Variants in ANKFN1 observed in about 807,000 individuals in gnomAD.
ANKFN1 encodes the protein ankyrin repeat and fibronectin type-III domain-containing protein 1.
ANKFN1 carries 74 observed loss-of-function variants against 108.7 expected under a neutral mutation model. The observed-to-expected ratio is 0.68, with a 90% confidence interval of 0.56 to 0.83. The LOEUF is 0.83. Ranked by LOEUF, ANKFN1 falls within the 40% of genes least tolerant of loss-of-function variation. The probability of loss-of-function intolerance (pLI) is 0.00; values close to 1 mark genes in which losing one functional copy is unlikely to be tolerated. For synonymous variants in ANKFN1, 547 were observed against 516.2 expected (o/e 1.06, Z -0.81); for missense variants, 1,505 against 1,382.3 (o/e 1.09, Z -1.41).
chr17:56,138,603 G>A (rs1907732716), intron 4 of ANKFN1, among the ~76,000 whole-genome samples: 2 of 149,830 alleles, frequency 1.3e-5, no homozygotes. Flanking sequence ...TCTGCCTCCT[G>A]CATTCAAGCG....
intron 3 of ANKFN1, among the ~76,000 whole-genome samples, chr17:56,264,012 G>A (rs1012924629): frequency 3.9e-5 from 6 of 152,170 alleles, no homozygotes; most frequent in Admixed American, 3.9e-4. Flanking sequence ...TTTTGTGTGA[G>A]ACTCCCGTAC....
At chr17:56,155,929 C>T (rs1343677626) in intron 1 of ANKFN1, among the ~76,000 whole-genome samples, 1 of 152,112 alleles carries the variant, frequency 6.6e-6, no homozygotes, top group African/African-American at 2.4e-5. Flanking sequence ...ACTAAGCAGC[C>T]TACGTGGGAA....
At chr17:56,486,627 G>A (rs1198382202) in intron 18 of ANKFN1, among the ~76,000 whole-genome samples, 1 of 152,114 alleles carries the variant, frequency 6.6e-6, no homozygotes, top group African/African-American at 2.4e-5. Flanking sequence ...AGGATGCTAA[G>A]CATTATTTTT....
At chr17:56,055,439 G>A (rs1904849739) in intron 4 of ANKFN1, among the ~76,000 whole-genome samples, 1 of 79,760 alleles carries the variant, frequency 1.3e-5, no homozygotes, top group East Asian at 3.3e-4. Flanking sequence ...ATCCCATTAT[G>A]TCTGTGTGTG....
intron 3 of ANKFN1, among the ~76,000 whole-genome samples, chr17:56,317,687 G>A (rs2045247547): frequency 6.6e-6 from 1 of 152,130 alleles, no homozygotes; most frequent in Admixed American, 6.5e-5. Context: ...CTGGGATGGG[G>A]CTTGGAATGT....
In ANKFN1 at chr17:56,341,004, G is replaced by A. The variant is rs572060260; in HGVS notation, c.189-9762G>A. Among the ~76,000 whole-genome samples the A allele has an allele frequency of 7.9e-5, 12 of 152,126 alleles. No individual in the cohort carries two copies. In the East Asian group the frequency reaches 2.3e-3, roughly 29 times the overall value. The stretch of plus-strand genomic sequence containing the variant: ...TTGAGCAGTGGTTTTAGTTCTCCTT[G>A]TAGAGATCTTTCACCCCCCTAGTTA... On this transcript the variant is annotated intron_variant, in intron 4 of 20. Coordinates refer to ENST00000682825, the MANE Select transcript of ANKFN1 (RefSeq NM_001370326.1).
rs552205386 is a variant in ANKFN1, at chr17:56,512,550, A to G, written c.*1281A>G. Among the ~76,000 whole-genome samples the G allele has an allele frequency of 2.6e-5, 4 of 152,336 alleles. No homozygotes were observed. Among genetic ancestry groups the G allele is most frequent in the Admixed American group, 2.6e-4 (4 of 15,304 alleles). On this transcript the variant is annotated 3_prime_UTR_variant, in exon 21 of 21. Coordinates refer to ENST00000682825, the MANE Select transcript of ANKFN1 (RefSeq NM_001370326.1). ...TCTCACAGGAATCCAAATTAGACAA[A>G]TCACACTGCATATTCAGAAAAGGCA...
chr17:56,153,381 A>G, upstream of ANKFN1: 1 of 1,178,946 alleles, frequency 8.5e-7, no homozygotes, highest in Non-Finnish European at 1.3e-6. Context: ...TGGGAGAGGC[A>G]GCCATGCTCA....
chr17:56,211,507 G>T (rs1472631653), intron 1 of ANKFN1, among the ~76,000 whole-genome samples: 1 of 152,024 alleles, frequency 6.6e-6, no homozygotes, highest in African/African-American at 2.4e-5. Flanking sequence ...TGGTGACTAT[G>T]GCTTTATACT....
chr17:56,457,392 A>G lies in ANKFN1; in HGVS notation c.1440+3A>G. 6.3e-7 allele frequency: 1 copy of G among 1,581,672 alleles called. No homozygotes were observed. Among genetic ancestry groups the G allele is most frequent in the Non-Finnish European group, 8.5e-7 (1 of 1,170,986 alleles). On this transcript the variant is annotated splice_donor_region_variant and intron_variant, in intron 13 of 20. Coordinates refer to ENST00000682825, the MANE Select transcript of ANKFN1 (RefSeq NM_001370326.1). ...AAGATTTTCTGTGGTTCACGAAGGTATACTAAGTTCTGATTTCATTTTTCC... is the reference window on the plus strand; with the variant it reads ...AAGATTTTCTGTGGTTCACGAAGGTGTACTAAGTTCTGATTTCATTTTTCC...
intron 4 of ANKFN1, among the ~76,000 whole-genome samples, chr17:56,110,641 G>C (rs1043864407): frequency 6.6e-6 from 1 of 152,180 alleles, no homozygotes; most frequent in Non-Finnish European, 1.5e-5. Context: ...ATGAATGAAG[G>C]CAAAGTGAAT....
chr17:56,180,786 G>A (rs1911614831), intron 1 of ANKFN1, among the ~76,000 whole-genome samples: 1 of 152,160 alleles, frequency 6.6e-6, no homozygotes, highest in African/African-American at 2.4e-5. Context: ...TTAGTACTCA[G>A]AATGACTTGA....
chr17:56,053,482 A>G (rs1162154915), intron 4 of ANKFN1, among the ~76,000 whole-genome samples: 1 of 152,224 alleles, frequency 6.6e-6, no homozygotes, highest in Non-Finnish European at 1.5e-5. Context: ...AAATGACAGG[A>G]TCTCATTCCC....
chr17:56,285,383 C>T lies in ANKFN1; in HGVS notation c.54-40838C>T, dbSNP rs532991140. On this transcript the variant is annotated intron_variant, in intron 3 of 20. Coordinates refer to ENST00000682825, the MANE Select transcript of ANKFN1 (RefSeq NM_001370326.1). Reference sequence around the variant, plus strand: ...CCAAGGTATCTTCCCTCTAGAACTTCCTTCTACTCCTTTTCTTATTTGCCT... The same window carrying T: ...CCAAGGTATCTTCCCTCTAGAACTTTCTTCTACTCCTTTTCTTATTTGCCT... Among the ~76,000 whole-genome samples the T allele has an allele frequency of 4.6e-5, 7 of 152,290 alleles. 1 individual carries two copies. The South Asian group carries it at 8.3e-4, about 18-fold the overall frequency.
chr17:56,214,558 C>A (rs948111234), intron 2 of ANKFN1, among the ~76,000 whole-genome samples: 1 of 152,206 alleles, frequency 6.6e-6, no homozygotes, highest in African/African-American at 2.4e-5. Context: ...ATGCCTCATA[C>A]ATACATGGTT....
intron 8 of ANKFN1, among the ~76,000 whole-genome samples, chr17:56,437,875 A>G (rs541441062): frequency 6.6e-6 from 1 of 152,272 alleles, no homozygotes; most frequent in Admixed American, 6.5e-5. Context: ...ACTAGATGGT[A>G]TAACATGCCT....
At chr17:56,242,354 T>C (rs1917647346) in intron 3 of ANKFN1, among the ~76,000 whole-genome samples, 1 of 152,138 alleles carries the variant, frequency 6.6e-6, no homozygotes, top group Non-Finnish European at 1.5e-5. Context: ...TATTGTATAA[T>C]ATACTTAATC....
intron 3 of ANKFN1, among the ~76,000 whole-genome samples, chr17:56,266,494 T>C (rs1242863234): frequency 3.3e-5 from 5 of 152,200 alleles, no homozygotes; most frequent in Non-Finnish European, 7.3e-5. Context: ...ATTGGTGGTT[T>C]CCACTGGGTT....
intron 3 of ANKFN1, among the ~76,000 whole-genome samples, chr17:56,314,636 TG>T (rs2045145093): frequency 6.6e-6 from 1 of 152,216 alleles, no homozygotes; most frequent in South Asian, 2.1e-4. Flanking sequence ...TCAGGTCAAG[TG>T]GCCAAAGACT....
Sources: gnomAD v4.1 joint callset for allele counts (sites outside exome capture counted in the v4.1 genomes callset) on GRCh38, gnomAD v4.1.1 for gene constraint, MANE v1.5 for transcripts, NCBI Gene and HGNC (gene_info 2026-07-23, HGNC 2026-07-21) for gene names.